UBE3A: variants seen among roughly 807,000 people sequenced by gnomAD.
UBE3A encodes the protein ubiquitin protein ligase E3A.
UBE3A carries 6 observed loss-of-function variants against 83.4 expected under a neutral mutation model. That is an observed-to-expected ratio of 0.07 (90% CI 0.04 to 0.14). UBE3A has a LOEUF of 0.14. Among genes scored for constraint, UBE3A ranks in the 10% least tolerant of loss-of-function variants. UBE3A has a pLI of 1.00. For missense variants in UBE3A, 456 were observed against 1,036.1 expected, an observed-to-expected ratio of 0.44 and a Z score of 7.69; for synonymous variants, 337 against 355.4, an observed-to-expected ratio of 0.95 and a Z score of 0.58.
In UBE3A at chr15:25,337,152, TACC is replaced by T. The variant is rs1309466753; in HGVS notation, c.*1982_*1984del. On this transcript the variant is annotated 3_prime_UTR_variant, in exon 13 of 13. Transcript: ENST00000648336. ...TCTATATCTGATAACCTATTTCAAT[TACC>T]ACTTTAAAACTTGTCATATGGATAC... 1 of 152,162 alleles carries T rather than the reference TACC, an allele frequency of 6.6e-6. No individual in the cohort carries two copies. The highest frequency in any genetic ancestry group is 1.5e-5 in the Non-Finnish European group (1 of 68,010). The allele number at this position is 152,162 out of a possible 1,614,324, so 9.4% of individuals were successfully genotyped here.
Position 25,340,093 on chromosome 15 carries a change from G to A in UBE3A, c.2490C>T (p.Asp830=). The A allele has an allele frequency of 6.2e-7, 1 of 1,614,040 alleles. No homozygotes were observed. Among genetic ancestry groups the A allele is most frequent in the Non-Finnish European group, 8.5e-7 (1 of 1,179,954 alleles). ...LKMIIAKNGP[D]TERLPTSHTC... ...AGTTAATAATTACCTACCTTTCTGT[G>A]TCTGGGCCATTTTTGGCTATAATCA... The change falls in exon 12 of 13, where the codon GAC becomes GAT. Residue 830 remains aspartate (D), a synonymous_variant. Coordinates refer to ENST00000648336, the MANE Select transcript of UBE3A (RefSeq NM_130839.5).
In UBE3A at chr15:25,437,858, GA is replaced by G. The variant is rs200950500; in HGVS notation, c.-165+630del. Among the ~76,000 whole-genome samples, 1,650 of 151,932 alleles carry G rather than the reference GA, an allele frequency of 0.011. 12 individuals are homozygous for G. The highest frequency in any genetic ancestry group is 0.012 in the African/African-American group (514 of 41,424). ...CATTTTCTACACTGAAAAGGGGGGG[GA>G]AAAAAGGCCAACTGCTTGCATACAG... On this transcript the variant is annotated intron_variant, in intron 1 of 12. Coordinates refer to ENST00000648336, the MANE Select transcript of UBE3A (RefSeq NM_130839.5).
chr15:25,377,914 G>A (rs984595080), intron 4 of UBE3A, among the ~76,000 whole-genome samples: 1 of 152,174 alleles, frequency 6.6e-6, no homozygotes, highest in Admixed American at 6.5e-5. Context: ...AGTAGCAGGT[G>A]TAGGATGAAC....
rs777833440 is a variant in UBE3A, at chr15:25,354,612, T to C, written c.2196A>G (p.Arg732=). ...ATTCATTGGTCACCATATGAAAACCTCTCCGAAAAGCCTTGAACTGTTTTT... is the reference window on the plus strand; with the variant it reads ...ATTCATTGGTCACCATATGAAAACCCCTCCGAAAAGCCTTGAACTGTTTTT... The part of the protein sequence containing the change: ...SVEKQFKAFR[R]GFHMVTNESP... The change falls in exon 10 of 13, where the codon AGA becomes AGG. Residue 732 remains arginine (R), a synonymous_variant. Transcript: ENST00000648336. The C allele has an allele frequency of 2.2e-5, 35 of 1,613,650 alleles. No individual in the cohort carries two copies.
At position 25,335,643 on chromosome 15, in the gene UBE3A, CA is replaced by C. The variant is rs1318198483; in HGVS notation, c.*3493del. On this transcript the variant is annotated 3_prime_UTR_variant, in exon 13 of 13. Coordinates refer to ENST00000648336, the MANE Select transcript of UBE3A (RefSeq NM_130839.5). ...GAAGGTTACATTTCTTAAAAAGAAACAAAGAATGGTCGGTCGATAGAGATGC... is the reference window on the plus strand; with the variant it reads ...GAAGGTTACATTTCTTAAAAAGAAACAAGAATGGTCGGTCGATAGAGATGC... The C allele has an allele frequency of 6.6e-6, 1 of 152,048 alleles. No individual in the cohort carries two copies. Among genetic ancestry groups the C allele is most frequent in the Non-Finnish European group, 1.5e-5 (1 of 68,006 alleles). The allele number at this position is 152,048 out of a possible 1,614,324, so 9.4% of individuals were successfully genotyped here.
Position 25,370,629 on chromosome 15 carries a change from C to T in UBE3A, c.1545G>A (p.Gln515=). The stretch of plus-strand genomic sequence containing the variant: ...CTTTGAGTCTCAAATATGGATTCAA[C>T]TGCTGTCCTTGAACTAAGCTGTAGA... The part of the protein sequence containing the change: ...TVLYSLVQGQ[Q]LNPYLRLKVR... The change falls in exon 6 of 13, where the codon CAG becomes CAA. Residue 515 remains glutamine, a synonymous_variant. Coordinates refer to ENST00000648336, the MANE Select transcript of UBE3A (RefSeq NM_130839.5). This position sits in a 1 kb window ranked among gnomAD's most constrained non-coding sequence, Gnocchi z 4.2. 4 of 1,614,114 alleles carry T rather than the reference C, an allele frequency of 2.5e-6. No homozygotes were observed. The highest frequency in any genetic ancestry group is 3.4e-6 in the Non-Finnish European group (4 of 1,180,010).
chr15:25,363,729 T>C (rs537562444), intron 6 of UBE3A, among the ~76,000 whole-genome samples: 1 of 152,276 alleles, frequency 6.6e-6, no homozygotes, highest in Admixed American at 6.5e-5. Context: ...TTTTCCATTT[T>C]TTACAACAAA....
chr15:25,430,039 A>ATATATATATATATATATATC, intron 1 of UBE3A, among the ~76,000 whole-genome samples: 2 of 114,648 alleles, frequency 1.7e-5, no homozygotes, highest in African/African-American at 7.6e-5. Flanking sequence ...ATATATATAT[A>ATATATATATATATATATATC]TATATATATA....
intron 4 of UBE3A, among the ~76,000 whole-genome samples, chr15:25,377,563 C>T (rs554424740): frequency 2.5e-4 from 38 of 152,194 alleles, no homozygotes; most frequent in African/African-American, 8.7e-4. Flanking sequence ...TGCTACCCTT[C>T]AGTAAAGAAA....
intron 11 of UBE3A, among the ~76,000 whole-genome samples, chr15:25,348,558 T>C (rs375305773): frequency 1.3e-3 from 201 of 152,294 alleles, no homozygotes; most frequent in Non-Finnish European, 2.4e-3. Context: ...GTAGATGACA[T>C]AGCTGTTTAC....
At chr15:25,368,260 G>T (rs992304030) in intron 6 of UBE3A, among the ~76,000 whole-genome samples, 1 of 152,062 alleles carries the variant, frequency 6.6e-6, no homozygotes, top group Non-Finnish European at 1.5e-5. Flanking sequence ...ACTAAAATAT[G>T]TGGCTTTATC....
chr15:25,358,121 A>T (rs988853047), intron 7 of UBE3A, among the ~76,000 whole-genome samples: 1 of 152,074 alleles, frequency 6.6e-6, no homozygotes, highest in African/African-American at 2.4e-5. Flanking sequence ...CTGTAATCCC[A>T]GCACTTTGGG....
At chr15:25,434,566 AATAAC>A (rs1472246829) in intron 1 of UBE3A, among the ~76,000 whole-genome samples, 1 of 152,208 alleles carries the variant, frequency 6.6e-6, no homozygotes, top group African/African-American at 2.4e-5. Flanking sequence ...TATTAGAAGA[AATAAC>A]AGATCTGCAG....
intron 1 of UBE3A, among the ~76,000 whole-genome samples, chr15:25,423,468 T>C (rs1038302397): frequency 4.6e-5 from 7 of 152,174 alleles, no homozygotes; most frequent in Admixed American, 1.3e-4. Context: ...GGTACCATCA[T>C]TGCAAAAGCA....
chr15:25,376,295 G>A (rs146001342), intron 4 of UBE3A, among the ~76,000 whole-genome samples: 12 of 152,264 alleles, frequency 7.9e-5, no homozygotes, highest in African/African-American at 2.9e-4. Flanking sequence ...CAACATGGGA[G>A]ACTTAAAAAT....
chr15:25,366,313 G>GT (rs1197743469), intron 6 of UBE3A, among the ~76,000 whole-genome samples: 1 of 152,292 alleles, frequency 6.6e-6, no homozygotes, highest in East Asian at 1.9e-4. Context: ...TTAAAGCTCT[G>GT]TGAGTCAATG....
intron 4 of UBE3A, among the ~76,000 whole-genome samples, chr15:25,404,850 C>T (rs1230238105): frequency 1.3e-5 from 2 of 152,168 alleles, no homozygotes; most frequent in African/African-American, 2.4e-5. Flanking sequence ...ATACTTCTGC[C>T]TGGAATAAGC....
At chr15:25,409,337 AAAAGTTTTT>A (rs1251866409) in intron 2 of UBE3A, 130 bp from the exon 3 acceptor site, 1 of 419,574 alleles carries the variant, frequency 2.4e-6, no homozygotes, top group African/African-American at 2.0e-5. Flanking sequence ...ATTATTATAG[AAAAGTTTTT>A]AAGGACTATT....
At chr15:25,396,760 A>C (rs1005727664) in intron 4 of UBE3A, among the ~76,000 whole-genome samples, 2 of 152,238 alleles carry the variant, frequency 1.3e-5, no homozygotes, top group Admixed American at 6.5e-5. Flanking sequence ...CCAGTTGTTA[A>C]AAACACTTGT....
Sources: gnomAD v4.1 joint callset for allele counts (sites outside exome capture counted in the v4.1 genomes callset) on GRCh38, gnomAD v4.1.1 for gene constraint, Gnocchi (gnomAD v3.1) non-coding constraint, MANE v1.5 for transcripts, NCBI Gene and HGNC (gene_info 2026-07-23, HGNC 2026-07-21) for gene names.